Variants in AGAP1 observed in about 807,000 individuals in gnomAD.
AGAP1 encodes arf-GAP with GTPase, ANK repeat and PH domain-containing protein 1.
AGAP1 carries 29 observed loss-of-function variants against 105.3 expected under a neutral mutation model. The ratio of observed to expected loss-of-function variants is 0.28; its 90% confidence interval spans 0.21 to 0.38. The LOEUF is 0.38. Among genes scored for constraint, AGAP1 ranks in the 10% least tolerant of loss-of-function variants. The probability of loss-of-function intolerance (pLI) is 1.00; values close to 1 mark genes in which losing one functional copy is unlikely to be tolerated. For missense variants in AGAP1, 998 were observed against 1,165.1 expected (o/e 0.86, Z 2.09); for synonymous variants, 509 against 485.9 (o/e 1.05, Z -0.63).
intron 1 of AGAP1, among the ~76,000 whole-genome samples, chr2:235,685,184 C>T (rs1441750009): frequency 6.6e-6 from 1 of 152,046 alleles, no homozygotes; most frequent in East Asian, 1.9e-4. Context: ...CTTTATTACC[C>T]TGATGAGGAC....
intron 9 of AGAP1, among the ~76,000 whole-genome samples, chr2:235,878,147 G>C (rs1333036593): frequency 6.6e-6 from 1 of 152,206 alleles, no homozygotes; most frequent in African/African-American, 2.4e-5. Context: ...GCGGCTGCTG[G>C]ATCCTAAGAT....
chr2:236,102,365 G>C (rs1195992694), intron 16 of AGAP1, among the ~76,000 whole-genome samples: 1 of 149,176 alleles, frequency 6.7e-6, no homozygotes, highest in Non-Finnish European at 1.5e-5. Context: ...TTGCATTGAG[G>C]CGAGATCATG....
intron 13 of AGAP1, among the ~76,000 whole-genome samples, chr2:236,030,393 G>A (rs1330530509): frequency 1.3e-5 from 2 of 152,210 alleles, no homozygotes; most frequent in East Asian, 3.9e-4. Context: ...GAGTTCAGAT[G>A]TAGTTGGTCT....
intron 16 of AGAP1, among the ~76,000 whole-genome samples, chr2:236,107,783 C>G (rs924178635): frequency 3.9e-5 from 6 of 152,234 alleles, no homozygotes. Flanking sequence ...TCCTGGGCCG[C>G]CTGGGGCCTG....
rs189201035 is a variant in AGAP1 at position 235,773,695 on chromosome 2, G to A, written c.673+23207G>A. ...AGCGCCAGTTCATTCATTAGAAACA[G>A]TGGTTGGACCTGGGAATGGACTGGT... On this transcript the variant is annotated intron_variant, in intron 6 of 17. Coordinates refer to ENST00000304032, the MANE Select transcript of AGAP1 (RefSeq NM_001037131.3). Among the ~76,000 whole-genome samples the A allele has an allele frequency of 5.8e-4, 88 of 152,288 alleles. 1 individual carries two copies. Among genetic ancestry groups the A allele is most frequent in the African/African-American group, 2.1e-3 (86 of 41,558 alleles).
At chr2:235,658,374 C>CCCA (rs1000599059) in intron 1 of AGAP1, among the ~76,000 whole-genome samples, 1 of 152,210 alleles carries the variant, frequency 6.6e-6, no homozygotes, top group Non-Finnish European at 1.5e-5. Flanking sequence ...TTTTCCAAGG[C>CCCA]CCAGGCCTTT....
chr2:235,836,606 C>T (rs1188418304), intron 9 of AGAP1, among the ~76,000 whole-genome samples: 1 of 152,210 alleles, frequency 6.6e-6, no homozygotes, highest in African/African-American at 2.4e-5. Flanking sequence ...ACTTTTTCTC[C>T]TCTTGGGTTC....
rs2057382460 is a variant in AGAP1, at chr2:236,036,391, T to C, written c.1646-170T>C. On this transcript the variant is annotated intron_variant, in intron 13 of 17. Coordinates refer to ENST00000304032, the MANE Select transcript of AGAP1 (RefSeq NM_001037131.3). This position sits in a 1 kb window ranked among gnomAD's most constrained non-coding sequence, Gnocchi z 5.7. ...GGCCTTAGGAACCACATCTGGACTG[T>C]TGGGAGGTGCATGGATTCAAATCTC... 6.6e-6 allele frequency among the ~76,000 whole-genome samples: 1 copy of C among 152,100 alleles called. No individual in the cohort carries two copies.
chr2:235,990,779 A>G (rs774087677), intron 13 of AGAP1, among the ~76,000 whole-genome samples: 2 of 152,242 alleles, frequency 1.3e-5, no homozygotes, highest in Non-Finnish European at 2.9e-5. Context: ...CTAGAAGAGC[A>G]TGTGGACTAA....
At position 235,569,229 on chromosome 2, in the gene AGAP1, C is replaced by T. The variant is rs1051801145; in HGVS notation, c.163+74380C>T. Among the ~76,000 whole-genome samples the T allele has an allele frequency of 1.6e-4, 24 of 152,214 alleles. No homozygotes were observed. Among genetic ancestry groups the T allele is most frequent in the African/African-American group, 4.1e-4 (17 of 41,524 alleles). Reference sequence around the variant, plus strand: ...ACTTGGGAGGCTGAGGCAGGAGAATCGCTTGAACCCAGGAGGCGGAGGTTG... The same window carrying T: ...ACTTGGGAGGCTGAGGCAGGAGAATTGCTTGAACCCAGGAGGCGGAGGTTG... On this transcript the variant is annotated intron_variant, in intron 1 of 17. Transcript: ENST00000304032. The surrounding 1 kb of genome is among the most constrained non-coding windows in gnomAD (Gnocchi z 5.9).
Position 235,896,167 on chromosome 2 carries a change from G to A in AGAP1, c.1156-12571G>A, listed in dbSNP as rs145142398. ...AGTTTCTGTCTCTATGAATTTGTCTGCTCTAGGAACCTCATATAAATGAAG... is the reference window on the plus strand; with the variant it reads ...AGTTTCTGTCTCTATGAATTTGTCTACTCTAGGAACCTCATATAAATGAAG... On this transcript the variant is annotated intron_variant, in intron 10 of 17. Transcript: ENST00000304032. 5.5e-4 allele frequency among the ~76,000 whole-genome samples: 84 copies of A among 152,230 alleles called. No individual in the cohort carries two copies. The Middle Eastern group carries it at 0.01, about 18-fold the overall frequency.
chr2:235,991,676 C>G (rs2055569560), intron 13 of AGAP1, among the ~76,000 whole-genome samples: 2 of 152,212 alleles, frequency 1.3e-5, no homozygotes, highest in African/African-American at 4.8e-5. Flanking sequence ...GGCGTTCTTT[C>G]TAAGGCTCTT....
intron 1 of AGAP1, among the ~76,000 whole-genome samples, chr2:235,518,256 T>C (rs1045811850): frequency 5.9e-5 from 9 of 152,210 alleles, no homozygotes; most frequent in African/African-American, 2.2e-4. Flanking sequence ...GTTTGATTGA[T>C]TGGATGCTTA....
In AGAP1 at chr2:235,936,606, T is replaced by C. The variant is rs1450716894; in HGVS notation, c.1483+5683T>C. Among the ~76,000 whole-genome samples the C allele has an allele frequency of 6.6e-6, 1 of 152,146 alleles. No individual in the cohort carries two copies. Among genetic ancestry groups the C allele is most frequent in the Non-Finnish European group, 1.5e-5 (1 of 67,992 alleles). Reference sequence around the variant, plus strand: ...CACCATTCATCAATTTTAATCATTATAGTTGGAGCATTTTTTTTCTCTTCT... The same window carrying C: ...CACCATTCATCAATTTTAATCATTACAGTTGGAGCATTTTTTTTCTCTTCT... On this transcript the variant is annotated intron_variant, in intron 12 of 17. Transcript: ENST00000304032. This position sits in a 1 kb window ranked among gnomAD's most constrained non-coding sequence, Gnocchi z 4.7.
rs889773093 is a variant in AGAP1, at chr2:235,939,253, C to T, written c.1483+8330C>T. Among the ~76,000 whole-genome samples the T allele has an allele frequency of 2.0e-5, 3 of 152,052 alleles. No individual in the cohort carries two copies. In the East Asian group the frequency reaches 5.8e-4, roughly 29 times the overall value. ...CCTGAAGGCCCTCTGCATCCTTTCC[C>T]GATGAAACTGGGGAACGTCCCCACT... On this transcript the variant is annotated intron_variant, in intron 12 of 17. Transcript: ENST00000304032.
intron 13 of AGAP1, among the ~76,000 whole-genome samples, chr2:235,975,424 A>G (rs1476155534): frequency 2.0e-5 from 3 of 152,190 alleles, no homozygotes; most frequent in Non-Finnish European, 2.9e-5. Flanking sequence ...TAGATGGACT[A>G]TCATGCAGCT....
rs919108659 is a variant in AGAP1, at chr2:236,036,264, A to G, written c.1646-297A>G. Among the ~76,000 whole-genome samples the G allele has an allele frequency of 2.6e-5, 4 of 152,104 alleles. No individual in the cohort carries two copies. The highest frequency in any genetic ancestry group is 2.6e-4 in the Admixed American group (4 of 15,280). ...CCATGAGTTACATGGTTATTCTCCT[A>G]AGTTGCTTTGTGTGTGCACCACACA... On this transcript the variant is annotated intron_variant, in intron 13 of 17. Coordinates refer to ENST00000304032, the MANE Select transcript of AGAP1 (RefSeq NM_001037131.3). The surrounding 1 kb of genome is among the most constrained non-coding windows in gnomAD (Gnocchi z 5.7).
chr2:236,031,511 G>A (rs1454087619), intron 13 of AGAP1, among the ~76,000 whole-genome samples: 1 of 152,094 alleles, frequency 6.6e-6, no homozygotes, highest in South Asian at 2.1e-4. Context: ...GAACACAAAT[G>A]CAAGATAGTT....
chr2:235,786,751 A>C (rs1956663704), intron 6 of AGAP1, among the ~76,000 whole-genome samples: 1 of 152,228 alleles, frequency 6.6e-6, no homozygotes, highest in African/African-American at 2.4e-5. Context: ...TGTGACGAGA[A>C]GAGCACAGCT....
Sources: gnomAD v4.1 joint callset for allele counts (sites outside exome capture counted in the v4.1 genomes callset) on GRCh38, gnomAD v4.1.1 for gene constraint, Gnocchi (gnomAD v3.1) non-coding constraint, MANE v1.5 for transcripts, NCBI Gene and HGNC (gene_info 2026-07-23, HGNC 2026-07-21) for gene names.